The following PEX13 variants were observed in gnomAD, a reference collection of about 807,000 sequenced individuals.
The protein encoded by PEX13 is peroxisome biogenesis factor 13.
A neutral mutation model predicts 34.5 loss-of-function variants in PEX13; 28 were observed. The ratio of observed to expected loss-of-function variants is 0.81; its 90% CI spans 0.60 to 1.11. PEX13 has a LOEUF of 1.11. Ranked by LOEUF, PEX13 falls within the 50% of genes most tolerant of loss-of-function variation. The pLI is 0.00. For synonymous variants in PEX13, 177 were observed against 175.1 expected, an observed-to-expected ratio of 1.01 and a Z score of -0.09; for missense variants, 550 against 491.0, an observed-to-expected ratio of 1.12 and a Z score of -1.13.
At chr2:61,029,007 A>G in intron 1 of PEX13, among the ~76,000 whole-genome samples, 1 of 151,982 alleles carries the variant, frequency 6.6e-6, no homozygotes, top group African/African-American at 2.4e-5. Context: ...ACAAAGTGGG[A>G]CCCTCATCTC....
intron 1 of PEX13, among the ~76,000 whole-genome samples, chr2:61,027,633 G>A (rs1363487909): frequency 6.6e-6 from 1 of 152,132 alleles, no homozygotes; most frequent in Non-Finnish European, 1.5e-5. Context: ...CTGCATCTTG[G>A]CTGTCACTGC....
chr2:61,035,087 A>G (rs1680514380), intron 2 of PEX13, among the ~76,000 whole-genome samples: 1 of 152,202 alleles, frequency 6.6e-6, no homozygotes, highest in Admixed American at 6.5e-5. Context: ...CACCTTCAAC[A>G]GGCGGGTGCC....
At chr2:61,048,346 C>T (rs1388146107) in intron 3 of PEX13, 126 bp from the exon 4 acceptor site, 1 of 752,878 alleles carries the variant, frequency 1.3e-6, no homozygotes, top group Non-Finnish European at 2.3e-6. Flanking sequence ...AATATATATG[C>T]ATGTACTATT....
chr2:61,033,196 A>C (rs946119234), intron 2 of PEX13, among the ~76,000 whole-genome samples: 1 of 152,104 alleles, frequency 6.6e-6, no homozygotes, highest in African/African-American at 2.4e-5. Flanking sequence ...CTACTGTCTA[A>C]CCTGCTTGAC....
In PEX13 at chr2:61,027,265, G is replaced by A. The variant is rs563378052; in HGVS notation, c.93-4154G>A. On this transcript the variant is annotated intron_variant, in intron 1 of 3. Transcript: ENST00000295030. ...AGGTGGGAGGGATCGCTTGAGCCTA[G>A]GAGTTTGAGGTTGCAGTGAGCCGTG... 4.6e-5 allele frequency among the ~76,000 whole-genome samples: 7 copies of A among 151,460 alleles called. No homozygotes were observed. In the South Asian group the frequency reaches 1.5e-3, roughly 32 times the overall value.
In PEX13 at chr2:61,031,988, T is replaced by G. The variant is rs1475093874; in HGVS notation, c.662T>G (p.Leu221Arg). The G allele has an allele frequency of 6.2e-7, 1 of 1,613,928 alleles. No homozygotes were observed. The highest frequency in any genetic ancestry group is 8.5e-7 in the Non-Finnish European group (1 of 1,179,828). Residue 221 changes from leucine to arginine, a missense_variant, in exon 2 of 4, where the codon CTT becomes CGT. Leu to Arg is a moderately radical substitution (Grantham distance 102, BLOSUM62 -2). Transcript: ENST00000295030. The part of the protein sequence containing the change: ...WAESEGTVAC[L>R]GAEDRAATSA... ...GAGAGTGAAGGAACTGTGGCATGCC[T>G]TGGTGCTGAGGACCGAGCAGCTACC...
chr2:61,021,711 C>A (rs1680267356), intron 1 of PEX13, among the ~76,000 whole-genome samples: 1 of 152,212 alleles, frequency 6.6e-6, no homozygotes, highest in African/African-American at 2.4e-5. Flanking sequence ...GGACAGACGG[C>A]CTCCTCAAGT....
At chr2:61,034,019 CAG>C (rs1680494354) in intron 2 of PEX13, among the ~76,000 whole-genome samples, 1 of 151,758 alleles carries the variant, frequency 6.6e-6, no homozygotes, top group Non-Finnish European at 1.5e-5. Flanking sequence ...CTTCGGGAGA[CAG>C]AGTCTTGCTC....
rs1453601258 is a variant in PEX13 at position 61,017,867 on chromosome 2, T to G, written c.92+16T>G. ...CCACTTTCCAGTGAGTGTGGGATTC[T>G]TCAGGCTGTGAGTTTAGTGGGCCCG... is the stretch of plus-strand genomic sequence containing the variant. On this transcript the variant is annotated intron_variant, in intron 1 of 3. Coordinates refer to ENST00000295030, the MANE Select transcript of PEX13 (RefSeq NM_002618.4). 2 of 1,549,632 alleles carry G rather than the reference T, an allele frequency of 1.3e-6. No homozygotes were observed. Among genetic ancestry groups the G allele is most frequent in the African/African-American group, 2.7e-5 (2 of 73,050 alleles).
At position 61,048,254 on chromosome 2, in the gene PEX13, G is replaced by A. The variant is rs115216331; in HGVS notation, c.914-218G>A. On this transcript the variant is annotated intron_variant, in intron 3 of 3. Transcript: ENST00000295030. ...TAATAAACTTTATGTTCTTCAAGGT[G>A]GAAGGAAATATTTAGTAAGTATAAA... Among the ~76,000 whole-genome samples the A allele has an allele frequency of 1.5e-3, 229 of 152,242 alleles. 1 individual carries two copies. The highest frequency in any genetic ancestry group is 5.3e-3 in the African/African-American group (222 of 41,528).
At chr2:61,039,899 A>G (rs1680594105) in intron 2 of PEX13, among the ~76,000 whole-genome samples, 2 of 152,250 alleles carry the variant, frequency 1.3e-5, no homozygotes, top group South Asian at 4.1e-4. Context: ...TTTACAAGAA[A>G]AAAAACAACC....
rs888853893 is a variant in PEX13 at position 61,051,519 on chromosome 2, C to G, written c.*2749C>G. ...TGAAAATTCGTTTTGTATTAAAATT[C>G]TGGAGAAGGAATTCAGGACTAGAAT... On this transcript the variant is annotated 3_prime_UTR_variant, in exon 4 of 4. Transcript: ENST00000295030. 1.3e-5 allele frequency: 2 copies of G among 152,232 alleles called. No homozygotes were observed. The highest frequency in any genetic ancestry group is 2.4e-5 in the African/African-American group (1 of 41,436). 9.4% of individuals were successfully genotyped at this position (152,232 alleles called of 1,614,324 possible). A position where few individuals can be genotyped will look rare whatever the true frequency, so the allele number is the denominator to read the frequency against.
intron 1 of PEX13, among the ~76,000 whole-genome samples, chr2:61,022,650 C>T (rs1021017014): frequency 3.3e-5 from 5 of 152,138 alleles, no homozygotes; most frequent in Admixed American, 2.6e-4. Context: ...AGGAGGATTG[C>T]TTGAGGCCAG....
At chr2:61,027,392 AAGGATATC>A (rs1680377168) in intron 1 of PEX13, among the ~76,000 whole-genome samples, 1 of 151,848 alleles carries the variant, frequency 6.6e-6, no homozygotes, top group South Asian at 2.1e-4. Flanking sequence ...GAGTTAGATT[AAGGATATC>A]ACACATCAAG....
At chr2:61,043,332 TAA>T (rs36040457) in intron 2 of PEX13, among the ~76,000 whole-genome samples, 501 of 73,716 alleles carry the variant, frequency 6.8e-3, no homozygotes, top group Non-Finnish European at 8.6e-3. Context: ...CTGTCTCTAC[TAA>T]AAAAAAAAAA....
At chr2:61,036,490 A>C (rs1363939805) in intron 2 of PEX13, among the ~76,000 whole-genome samples, 1 of 152,234 alleles carries the variant, frequency 6.6e-6, no homozygotes, top group African/African-American at 2.4e-5. Flanking sequence ...TTCTTAAAAG[A>C]ATTTTCAACC....
intron 2 of PEX13, among the ~76,000 whole-genome samples, chr2:61,035,983 TAAAA>T (rs1200600005): frequency 1.0e-5 from 1 of 98,366 alleles, no homozygotes; most frequent in Non-Finnish European, 2.1e-5. Flanking sequence ...AACTCCATCT[TAAAA>T]AAAAAAAAAA....
rs148515938 is a variant in PEX13 at position 61,051,876 on chromosome 2, T to C, written c.*3106T>C. 259 of 152,482 alleles carry C rather than the reference T, an allele frequency of 1.7e-3. 1 individual carries two copies. Among genetic ancestry groups the C allele is most frequent in the African/African-American group, 5.9e-3 (247 of 41,592 alleles). 9.4% of individuals were successfully genotyped at this position (152,482 alleles called of 1,614,324 possible). A position where few individuals can be genotyped will look rare whatever the true frequency, so the allele number is the denominator to read the frequency against. On this transcript the variant is annotated 3_prime_UTR_variant, in exon 4 of 4. Coordinates refer to ENST00000295030, the MANE Select transcript of PEX13 (RefSeq NM_002618.4). ...CATTTACTTGAACACAGCTATCCTT[T>C]ATCTTGTGCTTTCTTTAATAGAAAA...
intron 3 of PEX13, 106 bp from the exon 4 acceptor site, chr2:61,048,366 C>A: frequency 1.1e-6 from 1 of 885,708 alleles, no homozygotes; most frequent in Admixed American, 1.9e-5. Context: ...TTGTTATCTA[C>A]TATGTAAGCA....
Sources: allele counts gnomAD v4.1 joint callset (sites outside exome capture counted in the v4.1 genomes callset), GRCh38; gene constraint gnomAD v4.1.1; transcripts MANE v1.5; gene names NCBI Gene and HGNC (gene_info 2026-07-23, HGNC 2026-07-21).